The following CDC42BPA variants were observed in gnomAD, a reference collection of about 807,000 sequenced individuals.
CDC42BPA encodes the protein CDC42 binding protein kinase alpha, also known as serine/threonine-protein kinase MRCK alpha.
CDC42BPA carries 80 observed loss-of-function variants against 223.5 expected under a neutral mutation model. That is an observed-to-expected ratio of 0.36 (90% CI 0.30 to 0.43). CDC42BPA has a LOEUF of 0.43. CDC42BPA is among the 20% of genes least tolerant of loss of function. CDC42BPA has a pLI of 1.00. For synonymous variants in CDC42BPA, 694 were observed against 718.6 expected (o/e 0.97, Z 0.55); for missense variants, 1,743 against 2,099.9 (o/e 0.83, Z 3.32).
chr1:227,102,147 G>A (rs1250639804), intron 14 of CDC42BPA, among the ~76,000 whole-genome samples: 2 of 152,116 alleles, frequency 1.3e-5, no homozygotes, highest in Non-Finnish European at 2.9e-5. Context: ...TCAGTCATAA[G>A]GGCAATAAAA....
intron 5 of CDC42BPA, among the ~76,000 whole-genome samples, chr1:227,161,566 A>G (rs1328315297): frequency 1.3e-5 from 2 of 152,224 alleles, no homozygotes; most frequent in African/African-American, 2.4e-5. Flanking sequence ...GTAAAATATT[A>G]TAACAGTATT....
At chr1:227,065,137 CTTCT>C (rs1308766335) in intron 21 of CDC42BPA, among the ~76,000 whole-genome samples, 2 of 139,068 alleles carry the variant, frequency 1.4e-5, no homozygotes, top group Admixed American at 6.9e-5. Context: ...AACTCAAACC[CTTCT>C]TTATCTGTCC....
Position 227,014,788 on chromosome 1 carries a change from G to C in CDC42BPA, c.4857+1292C>G, listed in dbSNP as rs542169832. ...TACTTAAAATTCTGCGCAAAATTTA[G>C]CAGCTATCACTACCAATCAAAAGGG... On this transcript the variant is annotated intron_variant, in intron 34 of 36. Transcript: ENST00000366766. Among the ~76,000 whole-genome samples, 6 of 152,206 alleles carry C rather than the reference G, an allele frequency of 3.9e-5. No individual in the cohort carries two copies. In the East Asian group the frequency reaches 1.2e-3, roughly 29 times the overall value.
At chr1:227,251,957 A>C (rs1682088712) in intron 2 of CDC42BPA, among the ~76,000 whole-genome samples, 2 of 152,102 alleles carry the variant, frequency 1.3e-5, no homozygotes, top group African/African-American at 4.8e-5. Flanking sequence ...TAGATCAAAA[A>C]CAAAAATTTA....
intron 1 of CDC42BPA, among the ~76,000 whole-genome samples, chr1:227,294,426 T>A (rs1166833976): frequency 6.6e-6 from 1 of 152,028 alleles, no homozygotes; most frequent in East Asian, 1.9e-4. Flanking sequence ...ATAACTAACA[T>A]TCATTGAGGG....
intron 14 of CDC42BPA, among the ~76,000 whole-genome samples, chr1:227,105,763 G>C (rs1418800127): frequency 2.6e-5 from 4 of 152,156 alleles, no homozygotes; most frequent in African/African-American, 9.7e-5. Flanking sequence ...CCATGTTGTA[G>C]CATGTATCAT....
intron 17 of CDC42BPA, among the ~76,000 whole-genome samples, chr1:227,078,401 C>A (rs1367816077): frequency 6.6e-6 from 1 of 152,128 alleles, no homozygotes. Context: ...AAGAAAAGTA[C>A]TACATTTATA....
chr1:227,162,870 G>A (rs867415015), intron 5 of CDC42BPA, among the ~76,000 whole-genome samples: 4 of 148,154 alleles, frequency 2.7e-5, no homozygotes, highest in South Asian at 2.2e-4. Context: ...AAATATATAT[G>A]TGTGTGTGTG....
At chr1:227,304,300 G>A (rs1003051236) in intron 1 of CDC42BPA, among the ~76,000 whole-genome samples, 12 of 152,062 alleles carry the variant, frequency 7.9e-5, no homozygotes, top group African/African-American at 2.7e-4. Context: ...CAGCTACTCA[G>A]GAGGCTGAGG....
rs891861474 is a variant in CDC42BPA at position 227,122,804 on chromosome 1, A to G, written c.1514-2867T>C. Reference sequence around the variant, plus strand: ...TGCATTCCCAAAAGATGAAAACCCCATATCACGAAAAATCCAGAATGCTCT... The same window carrying G: ...TGCATTCCCAAAAGATGAAAACCCCGTATCACGAAAAATCCAGAATGCTCT... On this transcript the variant is annotated intron_variant, in intron 11 of 36. Transcript: ENST00000366766. Among the ~76,000 whole-genome samples the G allele has an allele frequency of 1.2e-4, 18 of 152,338 alleles. 1 individual carries two copies. In the East Asian group the frequency reaches 1.7e-3, roughly 15 times the overall value.
intron 1 of CDC42BPA, among the ~76,000 whole-genome samples, chr1:227,303,499 A>C (rs1001285313): frequency 1.3e-5 from 2 of 152,210 alleles, no homozygotes; most frequent in African/African-American, 4.8e-5. Flanking sequence ...GAGAGGGATA[A>C]AGTAACCCAA....
chr1:227,224,235 C>CTTTTTTTTTTTTT (rs113833866), intron 2 of CDC42BPA, among the ~76,000 whole-genome samples: 1 of 141,864 alleles, frequency 7.0e-6, no homozygotes, highest in South Asian at 2.2e-4. Flanking sequence ...ATGTTTCTTC[C>CTTTTTTTTTTTTT]TTTTTTTTTT....
intron 1 of CDC42BPA, among the ~76,000 whole-genome samples, chr1:227,305,489 T>A (rs1032442091): frequency 2.0e-5 from 3 of 152,242 alleles, no homozygotes; most frequent in South Asian, 2.1e-4. Context: ...TTTTTCTTGC[T>A]GTCAGAGAAG....
At chr1:227,303,795 C>T (rs1306149375) in intron 1 of CDC42BPA, among the ~76,000 whole-genome samples, 2 of 152,122 alleles carry the variant, frequency 1.3e-5, no homozygotes, top group East Asian at 3.9e-4. Context: ...CCACTCTTAT[C>T]ATCCTTAAAG....
intron 9 of CDC42BPA, among the ~76,000 whole-genome samples, chr1:227,141,753 A>C (rs1344868469): frequency 6.6e-6 from 1 of 152,206 alleles, no homozygotes; most frequent in African/African-American, 2.4e-5. Context: ...GTAGTTATCT[A>C]TGACTGTGCC....
intron 35 of CDC42BPA, among the ~76,000 whole-genome samples, chr1:227,003,146 G>C (rs1047802952): frequency 7.2e-5 from 11 of 152,160 alleles, no homozygotes; most frequent in African/African-American, 2.7e-4. Context: ...AATGAATGGA[G>C]GAAACTCAAT....
chr1:227,065,173 ATGTATCACCACAC>A (rs1676783711), intron 21 of CDC42BPA, among the ~76,000 whole-genome samples: 2 of 152,124 alleles, frequency 1.3e-5, no homozygotes, highest in Non-Finnish European at 2.9e-5. Context: ...TTACATAACA[ATGTATCACCACAC>A]TGTCCTAATC....
intron 3 of CDC42BPA, among the ~76,000 whole-genome samples, chr1:227,208,628 CT>C (rs1489996037): frequency 6.7e-6 from 1 of 148,972 alleles, no homozygotes; most frequent in Non-Finnish European, 1.5e-5. Context: ...TTCCCCATTG[CT>C]TGTTTTTCTC....
intron 19 of CDC42BPA, 66 bp downstream of exon 19, chr1:227,073,798 C>G: frequency 7.8e-7 from 1 of 1,287,898 alleles, no homozygotes; most frequent in Non-Finnish European, 1.1e-6. Context: ...AAACATGTAA[C>G]TTCTCTCCAA....
Sources: gnomAD v4.1 joint callset for allele counts (sites outside exome capture counted in the v4.1 genomes callset) on GRCh38, gnomAD v4.1.1 for gene constraint, MANE v1.5 for transcripts, NCBI Gene and HGNC (gene_info 2026-07-23, HGNC 2026-07-21) for gene names.